EPHB2: variants seen among roughly 807,000 people sequenced by gnomAD.
EPHB2 encodes the protein EPH receptor B2, also known as ephrin type-B receptor 2.
In EPHB2, 18 loss-of-function variants were observed where a neutral mutation model predicts 96.4. The ratio of observed to expected loss-of-function variants is 0.19; its 90% CI spans 0.13 to 0.28. The LOEUF (loss-of-function observed/expected upper bound fraction) is 0.28, where lower values mean the gene tolerates loss of function less well. Among genes scored for constraint, EPHB2 ranks in the 10% least tolerant of loss-of-function variants. The pLI, the probability that EPHB2 is intolerant of heterozygous loss-of-function variation, is 1.00. For synonymous variants in EPHB2, 506 were observed against 534.1 expected, an observed-to-expected ratio of 0.95 and a Z score of 0.72; for missense variants, 989 against 1,355.4, an observed-to-expected ratio of 0.73 and a Z score of 4.25.
chr1:22,808,228 G>A (rs1308786704), intron 3 of EPHB2, among the ~76,000 whole-genome samples: 1 of 152,168 alleles, frequency 6.6e-6, no homozygotes, highest in Non-Finnish European at 1.5e-5. Context: ...TGTGGATGAG[G>A]GGACTGAGGT....
Position 22,920,785 on chromosome 1 carries a change from A to G in EPHB2, c.*7215A>G, listed in dbSNP as rs1429606996. Reference sequence around the variant, plus strand: ...CTTGGTCATGCCCAGCCCCCAAATCATAATCATAGCTGCTATTTCTTGAGT... The same window carrying G: ...CTTGGTCATGCCCAGCCCCCAAATCGTAATCATAGCTGCTATTTCTTGAGT... On this transcript the variant is annotated 3_prime_UTR_variant, in exon 16 of 16. Coordinates refer to ENST00000374630, the MANE Select transcript of EPHB2 (RefSeq NM_017449.5). 6.6e-6 allele frequency: 1 copy of G among 152,236 alleles called. No individual in the cohort carries two copies. The highest frequency in any genetic ancestry group is 2.4e-5 in the African/African-American group (1 of 41,436). 9.4% of individuals were successfully genotyped at this position (152,236 alleles called of 1,614,324 possible).
chr1:22,806,500 CGGACGGATGGAT>C lies in EPHB2; in HGVS notation c.811+21428_811+21439del, dbSNP rs1320541356. ...ATGGACGGACGGACGGACGGACGGA[CGGACGGATGGAT>C]GGATGGATGGATGGATGGATGGGAA... On this transcript the variant is annotated intron_variant, in intron 3 of 15. Coordinates refer to ENST00000374630, the MANE Select transcript of EPHB2 (RefSeq NM_017449.5). Among the ~76,000 whole-genome samples the C allele has an allele frequency of 3.1e-3, 329 of 105,546 alleles. 2 individuals are homozygous for C. The highest frequency in any genetic ancestry group is 4.6e-3 in the Middle Eastern group (1 of 218). The allele number at this position is 105,546 out of a possible 152,430, so 69.2% of individuals were successfully genotyped here. A position where few individuals can be genotyped will look rare whatever the true frequency, so the allele number is the denominator to read the frequency against.
At chr1:22,801,424 C>T (rs779168254) in intron 3 of EPHB2, among the ~76,000 whole-genome samples, 2 of 152,114 alleles carry the variant, frequency 1.3e-5, no homozygotes, top group Admixed American at 6.5e-5. Context: ...TGGTGTTATC[C>T]GCCTTCCACA....
Position 22,913,811 on chromosome 1 carries a change from G to A in EPHB2, c.*241G>A. ...TCCTGGGAGGGGGCGGGAAATACAAGGAATATTTTTTAAAGAGGATTCTCA... is the reference window on the plus strand; with the variant it reads ...TCCTGGGAGGGGGCGGGAAATACAAAGAATATTTTTTAAAGAGGATTCTCA... On this transcript the variant is annotated 3_prime_UTR_variant, in exon 16 of 16. Coordinates refer to ENST00000374630, the MANE Select transcript of EPHB2 (RefSeq NM_017449.5). This position sits in a 1 kb window ranked among gnomAD's most constrained non-coding sequence, Gnocchi z 4.1. 6.2e-7 allele frequency: 1 copy of A among 1,610,688 alleles called. No homozygotes were observed. The highest frequency in any genetic ancestry group is 8.5e-7 in the Non-Finnish European group (1 of 1,178,582).
intron 15 of EPHB2, chr1:22,912,803 C>T: frequency 1.5e-6 from 1 of 674,796 alleles, no homozygotes; most frequent in East Asian, 2.9e-5. Context: ...TGACCTTGGT[C>T]AAATCATAGC....
chr1:22,790,240 G>T lies in EPHB2; in HGVS notation c.811+5164G>T, dbSNP rs1644671706. The stretch of plus-strand genomic sequence containing the variant: ...CAAGGCATATTTGATGGGTAGAAAG[G>T]GCTTTGCAGTGTATAGGGATTAGGA... On this transcript the variant is annotated intron_variant, in intron 3 of 15. Transcript: ENST00000374630. This position sits in a 1 kb window ranked among gnomAD's most constrained non-coding sequence, Gnocchi z 4.0. Among the ~76,000 whole-genome samples, 1 of 152,092 alleles carries T rather than the reference G, an allele frequency of 6.6e-6. No individual in the cohort carries two copies. The highest frequency in any genetic ancestry group is 1.5e-5 in the Non-Finnish European group (1 of 68,020).
At chr1:22,793,785 C>T (rs747653943) in intron 3 of EPHB2, among the ~76,000 whole-genome samples, 15 of 152,126 alleles carry the variant, frequency 9.9e-5, no homozygotes, top group Non-Finnish European at 2.1e-4. Flanking sequence ...GTATTATTAG[C>T]TCTATTTTAC....
chr1:22,858,440 G>A lies in EPHB2; in HGVS notation c.812-4597G>A, dbSNP rs35651467. 0.14 allele frequency among the ~76,000 whole-genome samples: 20,881 copies of A among 152,146 alleles called. 1,512 individuals carry two copies. The highest frequency in any genetic ancestry group is 0.18 in the Admixed American group (2,804 of 15,284). ...GCCACAGTGGAGCAGAGACCCATTC[G>A]ATGGCTCTCTCTGTCATTATTCCAT... is the stretch of plus-strand genomic sequence containing the variant. On this transcript the variant is annotated intron_variant, in intron 3 of 15. Transcript: ENST00000374630. The surrounding 1 kb of genome is among the most constrained non-coding windows in gnomAD (Gnocchi z 7.7).
intron 3 of EPHB2, among the ~76,000 whole-genome samples, chr1:22,862,283 C>T (rs1162637630): frequency 6.6e-6 from 1 of 152,234 alleles, no homozygotes; most frequent in African/African-American, 2.4e-5. Context: ...CAGTGCCCTC[C>T]TTAGGCTGGC....
chr1:22,802,356 G>A (rs993195476), intron 3 of EPHB2, among the ~76,000 whole-genome samples: 2 of 152,110 alleles, frequency 1.3e-5, no homozygotes, highest in African/African-American at 4.8e-5. Context: ...TGGATTGCAG[G>A]GGTGGGTATT....
At chr1:22,724,452 G>A (rs1271315481) in intron 1 of EPHB2, among the ~76,000 whole-genome samples, 1 of 152,086 alleles carries the variant, frequency 6.6e-6, no homozygotes, top group Non-Finnish European at 1.5e-5. Flanking sequence ...GGTCTTACCC[G>A]CAGCTTACCA....
At chr1:22,747,543 AG>A (rs1643993746) in intron 1 of EPHB2, among the ~76,000 whole-genome samples, 2 of 151,840 alleles carry the variant, frequency 1.3e-5, no homozygotes, top group African/African-American at 4.9e-5. Flanking sequence ...CAGGCAAGGG[AG>A]GGGGGCTCTG....
rs147999392 is a variant in EPHB2, at chr1:22,831,358, C to T, written c.812-31679C>T. Among the ~76,000 whole-genome samples the T allele has an allele frequency of 7.6e-3, 1,150 of 152,166 alleles. 17 individuals are homozygous for T. Among genetic ancestry groups the T allele is most frequent in the African/African-American group, 0.026 (1,070 of 41,476 alleles). On this transcript the variant is annotated intron_variant, in intron 3 of 15. Coordinates refer to ENST00000374630, the MANE Select transcript of EPHB2 (RefSeq NM_017449.5). Reference sequence around the variant, plus strand: ...AGTGGCTGCCCCTTGCTACCTCCCCCCTTAGCAGAAAGTGAAAGCATTTTG... The same window carrying T: ...AGTGGCTGCCCCTTGCTACCTCCCCTCTTAGCAGAAAGTGAAAGCATTTTG...
chr1:22,790,263 G>A lies in EPHB2; in HGVS notation c.811+5187G>A, dbSNP rs1644672018. 6.6e-6 allele frequency among the ~76,000 whole-genome samples: 1 copy of A among 152,128 alleles called. No individual in the cohort carries two copies. The highest frequency in any genetic ancestry group is 2.1e-4 in the South Asian group (1 of 4,822). On this transcript the variant is annotated intron_variant, in intron 3 of 15. Transcript: ENST00000374630. The surrounding 1 kb of genome is among the most constrained non-coding windows in gnomAD (Gnocchi z 4.0). ...AGGGCTTTGCAGTGTATAGGGATTA[G>A]GACACAATTTTCCCCTATTTATTCA... is the stretch of plus-strand genomic sequence containing the variant.
intron 1 of EPHB2, among the ~76,000 whole-genome samples, chr1:22,755,678 C>T (rs1644137988): frequency 6.6e-6 from 1 of 152,158 alleles, no homozygotes; most frequent in Non-Finnish European, 1.5e-5. Context: ...CAAAGTGCCT[C>T]GGTTTCCTCA....
At chr1:22,742,916 G>T (rs1007111628) in intron 1 of EPHB2, among the ~76,000 whole-genome samples, 5 of 150,990 alleles carry the variant, frequency 3.3e-5, no homozygotes, top group East Asian at 1.9e-4. Context: ...CTGAGACAGG[G>T]TCTCATACTC....
At chr1:22,904,011 G>A (rs1264940947) in intron 9 of EPHB2, among the ~76,000 whole-genome samples, 1 of 152,252 alleles carries the variant, frequency 6.6e-6, no homozygotes, top group Non-Finnish European at 1.5e-5. Context: ...GGTCAGGCCA[G>A]GCGCGGTGGC....
intron 1 of EPHB2, among the ~76,000 whole-genome samples, chr1:22,739,058 G>A (rs1319126412): frequency 6.6e-6 from 1 of 151,828 alleles, no homozygotes; most frequent in Non-Finnish European, 1.5e-5. Context: ...CTTTTTTTTA[G>A]CAACAGGGTC....
rs1409990285 is a variant in EPHB2 at position 22,843,891 on chromosome 1, A to G, written c.812-19146A>G. Reference sequence around the variant, plus strand: ...TGTATTCAATGTTTAGCTTCCGCTTATAAGTGAGAACATGTGGTATTTGGT... The same window carrying G: ...TGTATTCAATGTTTAGCTTCCGCTTGTAAGTGAGAACATGTGGTATTTGGT... On this transcript the variant is annotated intron_variant, in intron 3 of 15. Transcript: ENST00000374630. Among the ~76,000 whole-genome samples, 3 of 152,242 alleles carry G rather than the reference A, an allele frequency of 2.0e-5. No individual in the cohort carries two copies. The East Asian group carries it at 5.8e-4, about 29-fold the overall frequency.
Sources: allele counts gnomAD v4.1 joint callset (sites outside exome capture counted in the v4.1 genomes callset), GRCh38; gene constraint gnomAD v4.1.1; non-coding constraint Gnocchi (gnomAD v3.1); transcripts MANE v1.5; gene names NCBI Gene and HGNC (gene_info 2026-07-23, HGNC 2026-07-21).